Variants in ARSF observed in about 807,000 individuals in gnomAD.
ARSF encodes arylsulfatase F.
In ARSF, 33 loss-of-function variants were observed where a neutral mutation model predicts 35.4. The ratio of observed to expected loss-of-function variants is 0.93; its 90% CI spans 0.71 to 1.25. The LOEUF (loss-of-function observed/expected upper bound fraction) is 1.25. Ranked by LOEUF, ARSF falls within the 50% of genes most tolerant of loss-of-function variation. The pLI is 0.00. For synonymous variants in ARSF, 222 were observed against 193.1 expected (o/e 1.15, Z -1.24); for missense variants, 501 against 480.2 (o/e 1.04, Z -0.40).
At chrX:3,089,705 G>T in intron 7 of ARSF, 73 bp downstream of exon 7, 1 of 1,114,837 alleles carries the variant, frequency 9.0e-7, no homozygotes, top group Non-Finnish European at 1.2e-6. Flanking sequence ...ACTGCTCTTG[G>T]TCAACCTGTA....
intron 7 of ARSF, among the ~76,000 whole-genome samples, chrX:3,090,866 G>A (rs1313411046): frequency 1.8e-5 from 2 of 109,937 alleles, no homozygotes; most frequent in Non-Finnish European, 3.8e-5. Flanking sequence ...GTTGATTTAT[G>A]TCTTTGCTCT....
At chrX:3,092,999 C>T (rs1051154448) in intron 7 of ARSF, among the ~76,000 whole-genome samples, 1 of 110,709 alleles carries the variant, frequency 9.0e-6, no homozygotes, top group Non-Finnish European at 1.9e-5. Flanking sequence ...TGTGAAACCC[C>T]GTCTCTACTA....
intron 4 of ARSF, among the ~76,000 whole-genome samples, chrX:3,079,970 C>CAAAAA (rs1224175073): frequency 2.8e-3 from 78 of 28,300 alleles, no homozygotes; most frequent in Non-Finnish European, 3.2e-3. Context: ...ACAACAACAA[C>CAAAAA]AAAAAAAAAA....
chrX:3,109,989 T>C (rs977506124), intron 9 of ARSF, 139 bp from the exon 10 acceptor site: 2 of 491,781 alleles, frequency 4.1e-6, no homozygotes, highest in South Asian at 1.5e-4. Flanking sequence ...AGAGCATGCA[T>C]GAGTTTTCCT....
chrX:3,103,802 C>T lies in ARSF; in HGVS notation c.1143C>T (p.Val381=). 1 of 1,211,514 alleles carries T rather than the reference C, an allele frequency of 8.3e-7. No individual in the cohort carries two copies. Among genetic ancestry groups the T allele is most frequent in the East Asian group, 3.0e-5 (1 of 33,828 alleles). ...GMGGWEGGIR[V]PGIVRWPGKV... is the part of the protein sequence containing the mutation. Reference sequence around the variant, plus strand: ...GGGGCTGGGAAGGTGGAATCCGCGTCCCAGGAATTGTCCGATGGCCTGGAA... The same window carrying T: ...GGGGCTGGGAAGGTGGAATCCGCGTTCCAGGAATTGTCCGATGGCCTGGAA... The change falls in exon 9 of 11, where the codon GTC becomes GTT. Residue 381 remains valine (V), a synonymous_variant. Coordinates refer to ENST00000381127, the MANE Select transcript of ARSF (RefSeq NM_001201539.2).
intron 2 of ARSF, among the ~76,000 whole-genome samples, chrX:3,068,513 G>A (rs2147490766): frequency 9.0e-6 from 1 of 111,698 alleles, no homozygotes; most frequent in Non-Finnish European, 1.9e-5. Context: ...TCCAACTCCT[G>A]GGCTCAAGAG....
At chrX:3,084,762 A>G in intron 6 of ARSF, 96 bp downstream of exon 6, 1 of 853,887 alleles carries the variant, frequency 1.2e-6, no homozygotes, top group Non-Finnish European at 1.6e-6. Flanking sequence ...GTTTATAATA[A>G]TCTATTGTAC....
intron 8 of ARSF, 124 bp downstream of exon 8, chrX:3,101,345 T>A: frequency 1.2e-6 from 1 of 853,502 alleles, no homozygotes; most frequent in Non-Finnish European, 1.6e-6. Context: ...TTAATTTGAC[T>A]CTTAGTAAAA....
chrX:3,043,269 G>GA (rs1286895307), intron 1 of ARSF, among the ~76,000 whole-genome samples: 2 of 112,052 alleles, frequency 1.8e-5, no homozygotes, highest in African/African-American at 6.5e-5. Flanking sequence ...GTTTAGGACA[G>GA]AACAGAAAAT....
chrX:3,073,684 A>T (rs2090125717), intron 3 of ARSF, among the ~76,000 whole-genome samples: 2 of 102,169 alleles, frequency 2.0e-5, no homozygotes, highest in Admixed American at 1.2e-4. Context: ...ATAATTAATA[A>T]ATATATATTA....
In ARSF at chrX:3,103,800, G is replaced by A. The variant is rs750918889; in HGVS notation, c.1141G>A (p.Val381Ile). ...GGGGGGCTGGGAAGGTGGAATCCGCGTCCCAGGAATTGTCCGATGGCCTGG... is the reference window on the plus strand; with the variant it reads ...GGGGGGCTGGGAAGGTGGAATCCGCATCCCAGGAATTGTCCGATGGCCTGG... Reference protein sequence around the residue: ...GMGGWEGGIRVPGIVRWPGKV... With the variant: ...GMGGWEGGIRIPGIVRWPGKV... The change falls in exon 9 of 11, where the codon GTC becomes ATC. Residue 381 changes from valine (V) to isoleucine (I), a missense_variant. Coordinates refer to ENST00000381127, the MANE Select transcript of ARSF (RefSeq NM_001201539.2). The A allele has an allele frequency of 9.4e-5, 114 of 1,209,703 alleles. 1 individual carries two copies. In the Admixed American group the frequency reaches 9.6e-4, roughly 10 times the overall value.
intron 1 of ARSF, among the ~76,000 whole-genome samples, chrX:3,045,279 C>T (rs1045145719): frequency 4.5e-5 from 5 of 111,258 alleles, no homozygotes; most frequent in Non-Finnish European, 9.4e-5. Context: ...CCACAGAAAT[C>T]GAGGACGTGG....
chrX:3,059,458 G>A (rs922772097), intron 1 of ARSF, among the ~76,000 whole-genome samples: 4 of 112,309 alleles, frequency 3.6e-5, no homozygotes, highest in Non-Finnish European at 7.5e-5. Context: ...AGTGGGTGCA[G>A]CCCACAGAGG....
chrX:3,098,833 A>AT (rs917637718), intron 7 of ARSF, among the ~76,000 whole-genome samples: 2 of 110,308 alleles, frequency 1.8e-5, no homozygotes, highest in Admixed American at 9.7e-5. Flanking sequence ...AATTTTCTTT[A>AT]TTTTTTTGTA....
At chrX:3,081,995 A>G (rs988551979) in intron 5 of ARSF, among the ~76,000 whole-genome samples, 19 of 111,770 alleles carry the variant, frequency 1.7e-4, no homozygotes, top group Admixed American at 1.6e-3. Flanking sequence ...AGCCAGTAGC[A>G]CTGCCTCTCC....
chrX:3,092,634 A>G (rs751197434), intron 7 of ARSF, among the ~76,000 whole-genome samples: 119 of 112,270 alleles, frequency 1.1e-3, no homozygotes, highest in African/African-American at 3.8e-3. Context: ...TGAGATGTAC[A>G]TGATACTGGT....
At chrX:3,058,962 G>T (rs1425245868) in intron 1 of ARSF, among the ~76,000 whole-genome samples, 1 of 111,921 alleles carries the variant, frequency 8.9e-6, no homozygotes, top group Non-Finnish European at 1.9e-5. Context: ...ATTATAAGTA[G>T]GGATTCTGAA....
chrX:3,092,943 C>G (rs968732431), intron 7 of ARSF, among the ~76,000 whole-genome samples: 1 of 111,916 alleles, frequency 8.9e-6, no homozygotes, highest in East Asian at 2.8e-4. Flanking sequence ...GAGGCCAAGG[C>G]GGGTGGATAA....
Position 3,110,171 on chromosome X carries a change from G to T in ARSF, c.1309G>T (p.Val437Phe). 1 of 1,203,981 alleles carries T rather than the reference G, an allele frequency of 8.3e-7. No individual in the cohort carries two copies. The highest frequency in any genetic ancestry group is 1.1e-6 in the Non-Finnish European group (1 of 891,006). ...RDLMPLLQGNVRHSEHEFLFH... is the reference protein window; with the variant it reads ...RDLMPLLQGNFRHSEHEFLFH... ...CCTCATGCCCTTGCTGCAGGGCAACGTCAGGCACTCGGAGCATGAATTTCT... is the reference window on the plus strand; with the variant it reads ...CCTCATGCCCTTGCTGCAGGGCAACTTCAGGCACTCGGAGCATGAATTTCT... Residue 437 changes from valine to phenylalanine, a missense_variant, in exon 10 of 11, where the codon GTC becomes TTC. Val to Phe is a conservative substitution (Grantham distance 50). Transcript: ENST00000381127.
Sources: gnomAD v4.1 joint callset for allele counts (sites outside exome capture counted in the v4.1 genomes callset) on GRCh38, gnomAD v4.1.1 for gene constraint, MANE v1.5 for transcripts, NCBI Gene and HGNC (gene_info 2026-07-23, HGNC 2026-07-21) for gene names.